Variants in COL9A2 observed in about 807,000 individuals in gnomAD.
The protein encoded by COL9A2 is collagen type IX alpha 2 chain.
In COL9A2, 66 loss-of-function variants were observed where a neutral mutation model predicts 111.6. That is an observed-to-expected ratio of 0.59 (90% CI 0.48 to 0.73). COL9A2 has a LOEUF of 0.73. Ranked by LOEUF, COL9A2 falls within the 30% of genes least tolerant of loss-of-function variation. The pLI is 0.00. For synonymous variants in COL9A2, 353 were observed against 364.1 expected, an observed-to-expected ratio of 0.97 and a Z score of 0.35; for missense variants, 881 against 954.1, an observed-to-expected ratio of 0.92 and a Z score of 1.01.
intron 16 of COL9A2, among the ~76,000 whole-genome samples, chr1:40,308,474 G>A (rs1053879959): frequency 1.3e-5 from 2 of 152,254 alleles, no homozygotes; most frequent in African/African-American, 4.8e-5. Flanking sequence ...CTGAGCCAGA[G>A]CAGGGGTGGG....
Position 40,317,207 on chromosome 1 carries a change from CG to C in COL9A2, c.-11del, listed in dbSNP as rs757956892. ...CCGTAGCGGCGGCCATGGCTGGCGGCGAGACCAAGGGGGACGGGTGCGTGTC... is the reference window on the plus strand; with the variant it reads ...CCGTAGCGGCGGCCATGGCTGGCGGCAGACCAAGGGGGACGGGTGCGTGTC... On this transcript the variant is annotated 5_prime_UTR_variant, in exon 1 of 32. Coordinates refer to ENST00000372748, the MANE Select transcript of COL9A2 (RefSeq NM_001852.4). This position sits in a 1 kb window ranked among gnomAD's most constrained non-coding sequence, Gnocchi z 4.3. The C allele has an allele frequency of 1.3e-3, 2,076 of 1,565,880 alleles. 2 individuals are homozygous for C. The highest frequency in any genetic ancestry group is 1.7e-3 in the Non-Finnish European group (1,926 of 1,156,180).
At position 40,312,298 on chromosome 1, in the gene COL9A2, A is replaced by G. The variant is rs992675513; in HGVS notation, c.363+158T>C. ...AATTGCAGAGCCAGTGGACAGGCCC[A>G]GAGTGGGCTGGCCCTGGGTCTCTGG... On this transcript the variant is annotated intron_variant, in intron 7 of 31. Coordinates refer to ENST00000372748, the MANE Select transcript of COL9A2 (RefSeq NM_001852.4). The surrounding 1 kb of genome is among the most constrained non-coding windows in gnomAD (Gnocchi z 6.0). The G allele has an allele frequency of 2.6e-5, 29 of 1,128,804 alleles. No homozygotes were observed. The highest frequency in any genetic ancestry group is 2.1e-4 in the Middle Eastern group (1 of 4,844). 69.9% of individuals were successfully genotyped at this position (1,128,804 alleles called of 1,614,324 possible). A position where few individuals can be genotyped will look rare whatever the true frequency, so the allele number is the denominator to read the frequency against.
In COL9A2 at chr1:40,307,568, T is replaced by G. The variant is rs185250423; in HGVS notation, c.955-69A>C. The G allele has an allele frequency of 3.7e-4, 583 of 1,597,086 alleles. No homozygotes were observed. Among genetic ancestry groups the G allele is most frequent in the Non-Finnish European group, 4.8e-4 (565 of 1,166,896 alleles). On this transcript the variant is annotated intron_variant, in intron 18 of 31. Coordinates refer to ENST00000372748, the MANE Select transcript of COL9A2 (RefSeq NM_001852.4). The surrounding 1 kb of genome is among the most constrained non-coding windows in gnomAD (Gnocchi z 4.8). ...CAGAGGGCCATGGCTTCTACCCAGA[T>G]GCAGGTAGGGAAACTGAGATCCAGA... is the stretch of plus-strand genomic sequence containing the variant.
chr1:40,312,690 G>T lies in COL9A2; in HGVS notation c.303+41C>A. 1 of 1,577,516 alleles carries T rather than the reference G, an allele frequency of 6.3e-7. No individual in the cohort carries two copies. Among genetic ancestry groups the T allele is most frequent in the Non-Finnish European group, 8.6e-7 (1 of 1,160,332 alleles). On this transcript the variant is annotated intron_variant, in intron 5 of 31. Coordinates refer to ENST00000372748, the MANE Select transcript of COL9A2 (RefSeq NM_001852.4). The surrounding 1 kb of genome is among the most constrained non-coding windows in gnomAD (Gnocchi z 6.0). Reference sequence around the variant, plus strand: ...TCTCTACAGCCACTCCCAAACGCTGGCCCTAGATTGCCCACGCTGAGGCCC... The same window carrying T: ...TCTCTACAGCCACTCCCAAACGCTGTCCCTAGATTGCCCACGCTGAGGCCC...
Position 40,314,521 on chromosome 1 carries a change from C to T in COL9A2, c.151-134G>A, listed in dbSNP as rs1169325550. 6.4e-6 allele frequency: 7 copies of T among 1,092,646 alleles called. No individual in the cohort carries two copies. Among genetic ancestry groups the T allele is most frequent in the African/African-American group, 6.3e-5 (4 of 63,806 alleles). The allele number at this position is 1,092,646 out of a possible 1,614,324, so 67.7% of individuals were successfully genotyped here. On this transcript the variant is annotated intron_variant, in intron 2 of 31. Coordinates refer to ENST00000372748, the MANE Select transcript of COL9A2 (RefSeq NM_001852.4). The surrounding 1 kb of genome is among the most constrained non-coding windows in gnomAD (Gnocchi z 4.1). ...TTCTGTCCAGGTCCCCTAAGCCTTG[C>T]AATCTTTGGGAAAAGAGCCCCCTTT...
rs774299922 is a variant in COL9A2, at chr1:40,303,593, G to C, written c.1485C>G (p.Pro495=). The C allele has an allele frequency of 1.2e-6, 2 of 1,605,820 alleles. No individual in the cohort carries two copies. The highest frequency in any genetic ancestry group is 1.7e-5 in the Admixed American group (1 of 59,216). ...GGTTCCCGGCCAGTCCTCGAGGGCC[G>C]GGGGGACCAGGGTAGCCCTGAACCC... ...APGVQGYPGP[P]GPRGLAGNRG... Residue 495 remains proline, a synonymous_variant, in exon 28 of 32, where the codon CCC becomes CCG. Transcript: ENST00000372748. The surrounding 1 kb of genome is among the most constrained non-coding windows in gnomAD (Gnocchi z 4.6).
Position 40,312,288 on chromosome 1 carries a change from G to A in COL9A2, c.363+168C>T. On this transcript the variant is annotated intron_variant, in intron 7 of 31. Coordinates refer to ENST00000372748, the MANE Select transcript of COL9A2 (RefSeq NM_001852.4). The surrounding 1 kb of genome is among the most constrained non-coding windows in gnomAD (Gnocchi z 6.0). ...AGGACCAGAGAATTGCAGAGCCAGTGGACAGGCCCAGAGTGGGCTGGCCCT... is the reference window on the plus strand; with the variant it reads ...AGGACCAGAGAATTGCAGAGCCAGTAGACAGGCCCAGAGTGGGCTGGCCCT... 1 of 1,068,716 alleles carries A rather than the reference G, an allele frequency of 9.4e-7. No individual in the cohort carries two copies. The highest frequency in any genetic ancestry group is 1.4e-6 in the Non-Finnish European group (1 of 713,608). 66.2% of individuals were successfully genotyped at this position (1,068,716 alleles called of 1,614,324 possible).
chr1:40,301,259 C>G lies in COL9A2; in HGVS notation c.1993G>C (p.Glu665Gln), dbSNP rs775572033. The G allele has an allele frequency of 1.9e-6, 3 of 1,614,122 alleles. No individual in the cohort carries two copies. The highest frequency in any genetic ancestry group is 3.3e-5 in the Admixed American group (2 of 60,028). Reference sequence around the variant, plus strand: ...GAAGCTCCAAGGCAGGCGGCAGGTTCACAGAAGCCCGGCAGCCCCACGGGG... The same window carrying G: ...GAAGCTCCAAGGCAGGCGGCAGGTTGACAGAAGCCCGGCAGCCCCACGGGG... The part of the protein sequence containing the change: ...PGPVGLPGFC[E>Q]PAACLGASAY... The change falls in exon 32 of 32, where the codon GAA (glutamate) becomes CAA (glutamine). Residue 665 changes from glutamate to glutamine, a missense_variant. Glu to Gln is a conservative substitution (Grantham distance 29, BLOSUM62 2). Transcript: ENST00000372748.
chr1:40,303,568 G>A lies in COL9A2; in HGVS notation c.1510C>T (p.Arg504Ter), dbSNP rs781682527. The change falls in exon 28 of 32, where the codon CGA becomes TGA. Residue 504 changes from arginine to a stop codon, truncating the protein, a stop_gained. Coordinates refer to ENST00000372748, the MANE Select transcript of COL9A2 (RefSeq NM_001852.4). LOFTEE classifies it high-confidence loss of function. This position sits in a 1 kb window ranked among gnomAD's most constrained non-coding sequence, Gnocchi z 4.6. ...CTCCCGGGCTGTCCTGGCACGCCTC[G>A]GTTCCCGGCCAGTCCTCGAGGGCCG... ...PPGPRGLAGN[R>*]GVPGQPGRQG... is the part of the protein sequence containing the mutation. 1.6e-5 allele frequency: 25 copies of A among 1,611,032 alleles called. No individual in the cohort carries two copies. The highest frequency in any genetic ancestry group is 2.1e-5 in the Non-Finnish European group (25 of 1,179,296).
chr1:40,311,775 G>A lies in COL9A2; in HGVS notation c.418-60C>T. ...CCAGCCCTTACCAGCTTACCCTAGT[G>A]CCCTCCTCCAGGTCCTGCCTCTGCC... is the stretch of plus-strand genomic sequence containing the variant. On this transcript the variant is annotated intron_variant, in intron 8 of 31. Transcript: ENST00000372748. This position sits in a 1 kb window ranked among gnomAD's most constrained non-coding sequence, Gnocchi z 5.1. 6.5e-7 allele frequency: 1 copy of A among 1,549,866 alleles called. No homozygotes were observed.
chr1:40,315,289 C>T (rs1569767101), intron 2 of COL9A2: 1 of 1,219,908 alleles, frequency 8.2e-7, no homozygotes, highest in African/African-American at 1.6e-5. Context: ...TGAGTCGCCT[C>T]CTACCCCACA....
rs1644220811 is a variant in COL9A2, at chr1:40,316,478, A to G, written c.75+645T>C. 6.6e-6 allele frequency among the ~76,000 whole-genome samples: 1 copy of G among 152,198 alleles called. No homozygotes were observed. The highest frequency in any genetic ancestry group is 2.4e-5 in the African/African-American group (1 of 41,466). ...CTGGAGAGTCTCCATCCTGCTGCCCATCTCTGAACAGATCAGAGATCTTAA... is the reference window on the plus strand; with the variant it reads ...CTGGAGAGTCTCCATCCTGCTGCCCGTCTCTGAACAGATCAGAGATCTTAA... On this transcript the variant is annotated intron_variant, in intron 1 of 31. Transcript: ENST00000372748. This position sits in a 1 kb window ranked among gnomAD's most constrained non-coding sequence, Gnocchi z 5.5.
rs184004294 is a variant in COL9A2 at position 40,316,489 on chromosome 1, G to T, written c.75+634C>A. On this transcript the variant is annotated intron_variant, in intron 1 of 31. Transcript: ENST00000372748. This position sits in a 1 kb window ranked among gnomAD's most constrained non-coding sequence, Gnocchi z 5.5. Reference sequence around the variant, plus strand: ...CCATCCTGCTGCCCATCTCTGAACAGATCAGAGATCTTAAAAGGCGGCCCT... The same window carrying T: ...CCATCCTGCTGCCCATCTCTGAACATATCAGAGATCTTAAAAGGCGGCCCT... Among the ~76,000 whole-genome samples, 6 of 152,346 alleles carry T rather than the reference G, an allele frequency of 3.9e-5. No homozygotes were observed. Among genetic ancestry groups the T allele is most frequent in the Admixed American group, 1.3e-4 (2 of 15,308 alleles).
chr1:40,308,125 T>C, intron 17 of COL9A2, 67 bp downstream of exon 17: 1 of 1,506,516 alleles, frequency 6.6e-7, no homozygotes, highest in Non-Finnish European at 9.2e-7. Context: ...GCTTCTCTTC[T>C]GGGGGTTTGG....
At position 40,303,737 on chromosome 1, in the gene COL9A2, G is replaced by C; in HGVS notation, c.1402-61C>G. On this transcript the variant is annotated intron_variant, in intron 27 of 31. Transcript: ENST00000372748. This position sits in a 1 kb window ranked among gnomAD's most constrained non-coding sequence, Gnocchi z 4.6. ...AGAAGGCGCCCGGGTGGGCGAGAGT[G>C]GGGGGTGGGGGTCGAGGAAGGGAGT... The C allele has an allele frequency of 8.6e-6, 13 of 1,505,170 alleles. No homozygotes were observed. Among genetic ancestry groups the C allele is most frequent in the South Asian group, 1.2e-5 (1 of 81,676 alleles). 93.2% of individuals were successfully genotyped at this position (1,505,170 alleles called of 1,614,324 possible).
chr1:40,303,264 G>A lies in COL9A2; in HGVS notation c.1549-79C>T. ...CCTATCCCACCTGGCTGAGCGTGAG[G>A]CCGCCATGGAGGAGACTCTGGTGTT... On this transcript the variant is annotated intron_variant, in intron 28 of 31. Transcript: ENST00000372748. This position sits in a 1 kb window ranked among gnomAD's most constrained non-coding sequence, Gnocchi z 4.6. The A allele has an allele frequency of 7.0e-7, 1 of 1,427,584 alleles. No homozygotes were observed. Among genetic ancestry groups the A allele is most frequent in the Admixed American group, 1.9e-5 (1 of 52,042 alleles). The allele number at this position is 1,427,584 out of a possible 1,614,324, so 88.4% of individuals were successfully genotyped here. A position where few individuals can be genotyped will look rare whatever the true frequency, so the allele number is the denominator to read the frequency against.
chr1:40,306,751 G>A (rs1413952475), intron 19 of COL9A2, among the ~76,000 whole-genome samples: 13 of 152,064 alleles, frequency 8.5e-5, no homozygotes, highest in Non-Finnish European at 2.9e-5. Flanking sequence ...GGTGGTCATT[G>A]AATGGTAAGA....
In COL9A2 at chr1:40,307,307, GC is replaced by G. The variant is rs1195646873; in HGVS notation, c.1008+138del. On this transcript the variant is annotated intron_variant, in intron 19 of 31. Transcript: ENST00000372748. This position sits in a 1 kb window ranked among gnomAD's most constrained non-coding sequence, Gnocchi z 4.8. Reference sequence around the variant, plus strand: ...CTAGAGTAATTGTCCAAGTAATGAAGCCTTCGCCAGGCCAGGGGCCACAGAG... The same window carrying G: ...CTAGAGTAATTGTCCAAGTAATGAAGCTTCGCCAGGCCAGGGGCCACAGAG... 1.2e-6 allele frequency: 1 copy of G among 813,210 alleles called. No homozygotes were observed. 50.4% of individuals were successfully genotyped at this position (813,210 alleles called of 1,614,324 possible). A position where few individuals can be genotyped will look rare whatever the true frequency, so the allele number is the denominator to read the frequency against.
chr1:40,311,899 C>G lies in COL9A2; in HGVS notation c.417+160G>C, dbSNP rs2124092200. On this transcript the variant is annotated intron_variant, in intron 8 of 31. Transcript: ENST00000372748. This position sits in a 1 kb window ranked among gnomAD's most constrained non-coding sequence, Gnocchi z 5.1. ...TGGGGCCAGCGGCGTCCCTAAAAGA[C>G]CTAGTGCCGGGTGGGCTCATAGGAG... Among the ~76,000 whole-genome samples, 1 of 152,310 alleles carries G rather than the reference C, an allele frequency of 6.6e-6. No individual in the cohort carries two copies. The highest frequency in any genetic ancestry group is 2.1e-4 in the South Asian group (1 of 4,828).
Sources: gnomAD v4.1 joint callset for allele counts (sites outside exome capture counted in the v4.1 genomes callset) on GRCh38, gnomAD v4.1.1 for gene constraint, Gnocchi (gnomAD v3.1) non-coding constraint, MANE v1.5 for transcripts, NCBI Gene and HGNC (gene_info 2026-07-23, HGNC 2026-07-21) for gene names.